Variants in NT5C2 observed in about 807,000 individuals in gnomAD.
NT5C2 encodes cytosolic purine 5'-nucleotidase.
In NT5C2, 58 loss-of-function variants were observed where a neutral mutation model predicts 76.1. The ratio of observed to expected loss-of-function variants is 0.76; its 90% CI spans 0.62 to 0.95. The LOEUF (loss-of-function observed/expected upper bound fraction) is 0.95. Among genes scored for constraint, NT5C2 ranks in the 40% least tolerant of loss-of-function variants. NT5C2 has a pLI of 0.00. For synonymous variants in NT5C2, 229 were observed against 237.4 expected, an observed-to-expected ratio of 0.96 and a Z score of 0.32; for missense variants, 478 against 690.3, an observed-to-expected ratio of 0.69 and a Z score of 3.45.
rs2066081392 is a variant in NT5C2 at position 103,089,143 on chromosome 10, ACT to A, written c.*527_*528del. ...ATAGAGAAGCAGCCTTGCCAGAGTC[ACT>A]GAGGATGAATTAAAGGCTTATAAAA... On this transcript the variant is annotated 3_prime_UTR_variant, in exon 19 of 19. Coordinates refer to ENST00000404739, the MANE Select transcript of NT5C2 (RefSeq NM_001351169.2). 2 of 227,160 alleles carry A rather than the reference ACT, an allele frequency of 8.8e-6. No individual in the cohort carries two copies. The highest frequency in any genetic ancestry group is 1.7e-5 in the Non-Finnish European group (2 of 114,372). The allele number at this position is 227,160 out of a possible 1,614,324, so 14.1% of individuals were successfully genotyped here.
At chr10:103,169,270 T>TAC (rs1035179726) in intron 3 of NT5C2, 3 of 152,170 alleles carry the variant, frequency 2.0e-5, no homozygotes, top group Non-Finnish European at 4.4e-5. Flanking sequence ...CATATACATA[T>TAC]ACACACACAC....
intron 9 of NT5C2, among the ~76,000 whole-genome samples, chr10:103,099,222 C>T (rs1014668487): frequency 6.6e-6 from 1 of 152,166 alleles, no homozygotes; most frequent in East Asian, 1.9e-4. Flanking sequence ...CACAGGTCCA[C>T]ACCAACATGC....
intron 3 of NT5C2, among the ~76,000 whole-genome samples, chr10:103,141,960 T>C (rs1282356887): frequency 1.3e-5 from 2 of 152,160 alleles, no homozygotes; most frequent in Admixed American, 1.3e-4. Context: ...GGAAGAAATG[T>C]TTGAACTGAA....
intron 3 of NT5C2, among the ~76,000 whole-genome samples, chr10:103,157,157 GA>G (rs1195617528): frequency 1.3e-5 from 2 of 150,408 alleles, no homozygotes; most frequent in Non-Finnish European, 3.0e-5. Context: ...GAATGAAAAA[GA>G]AAAAAACACT....
At chr10:103,146,413 C>T (rs2081486935) in intron 3 of NT5C2, 1 of 985,268 alleles carries the variant, frequency 1.0e-6, no homozygotes, top group South Asian at 4.7e-5. Context: ...ATAAAATCTT[C>T]TTGGGCATCT....
At chr10:103,122,849 C>A (rs1266965746) in intron 4 of NT5C2, among the ~76,000 whole-genome samples, 1 of 152,132 alleles carries the variant, frequency 6.6e-6, no homozygotes, top group Non-Finnish European at 1.5e-5. Context: ...TTAGATCATA[C>A]CCCCTTTTGT....
intron 3 of NT5C2, among the ~76,000 whole-genome samples, chr10:103,166,608 AAAACAAAC>A (rs138596638): frequency 8.5e-5 from 13 of 152,070 alleles, no homozygotes; most frequent in African/African-American, 1.2e-4. Flanking sequence ...AGAATGATAA[AAAACAAAC>A]AAACAAACAA....
At chr10:103,090,490 G>A in intron 18 of NT5C2, 121 bp downstream of exon 18, 1 of 823,454 alleles carries the variant, frequency 1.2e-6, no homozygotes, top group Non-Finnish European at 1.9e-6. Context: ...CATATAACCT[G>A]CCCCTGGGCT....
chr10:103,162,387 T>C (rs983560411), intron 3 of NT5C2, among the ~76,000 whole-genome samples: 3 of 152,060 alleles, frequency 2.0e-5, no homozygotes, highest in African/African-American at 7.2e-5. Flanking sequence ...GACAACACAA[T>C]TGGCAAACAA....
intron 3 of NT5C2, among the ~76,000 whole-genome samples, chr10:103,148,798 TG>T (rs1033910854): frequency 7.2e-5 from 11 of 152,252 alleles, no homozygotes; most frequent in African/African-American, 2.2e-4. Context: ...GAGACATACA[TG>T]GAACAAAATT....
chr10:103,174,486 G>A (rs1591766347), intron 3 of NT5C2, among the ~76,000 whole-genome samples: 1 of 152,164 alleles, frequency 6.6e-6, no homozygotes, highest in South Asian at 2.1e-4. Flanking sequence ...CAAGAGAATT[G>A]CTTGAGCCTG....
chr10:103,097,491 G>T, intron 10 of NT5C2, 117 bp from the exon 11 acceptor site: 1 of 779,110 alleles, frequency 1.3e-6, no homozygotes, highest in Non-Finnish European at 2.1e-6. Flanking sequence ...TTAAGGGTTA[G>T]CTGATTTCAG....
intron 4 of NT5C2, among the ~76,000 whole-genome samples, chr10:103,126,648 A>G (rs1414203637): frequency 6.6e-6 from 1 of 152,104 alleles, no homozygotes; most frequent in Non-Finnish European, 1.5e-5. Context: ...ACAAAAAAAC[A>G]TAGTCCACTC....
Position 103,105,801 on chromosome 10 carries a change from C to T in NT5C2, c.294G>A (p.Arg98=). 1 of 1,605,492 alleles carries T rather than the reference C, an allele frequency of 6.2e-7. No homozygotes were observed. The highest frequency in any genetic ancestry group is 8.5e-7 in the Non-Finnish European group (1 of 1,172,894). ...CATACAGTGTGTCAAAGACAAGTCC[C>T]CTATGTGAAAATGAAGACATTATTG... is the stretch of plus-strand genomic sequence containing the variant. ...SFAYDSTFPT[R]GLVFDTLYGN... is the part of the protein sequence containing the mutation. Residue 98 remains arginine, a splice_region_variant and synonymous_variant, in exon 6 of 19, where the codon AGG becomes AGA. Transcript: ENST00000404739.
chr10:103,168,104 TA>T (rs572645262), intron 3 of NT5C2, among the ~76,000 whole-genome samples: 102 of 140,796 alleles, frequency 7.2e-4, no homozygotes, highest in Admixed American at 9.2e-4. Flanking sequence ...AAACTGCAAC[TA>T]AAAAAAAAAA....
chr10:103,168,847 T>C (rs560154191), intron 3 of NT5C2, among the ~76,000 whole-genome samples: 46 of 152,328 alleles, frequency 3.0e-4, no homozygotes, highest in African/African-American at 1.1e-3. Flanking sequence ...TTGTAAAGCA[T>C]CACATACGAT....
chr10:103,129,868 C>T (rs1369122057), intron 4 of NT5C2, among the ~76,000 whole-genome samples: 3 of 67,884 alleles, frequency 4.4e-5, no homozygotes, highest in South Asian at 6.3e-4. Context: ...CCGCCCTGTC[C>T]GGGAGGGAGG....
intron 1 of NT5C2, among the ~76,000 whole-genome samples, chr10:103,191,391 AAAAAAAAGAG>A (rs2092627896): frequency 7.3e-6 from 1 of 137,722 alleles, no homozygotes; most frequent in African/African-American, 2.7e-5. Flanking sequence ...TCAAAAAAAA[AAAAAAAAGAG>A]AGAGAGAGGA....
intron 2 of NT5C2, among the ~76,000 whole-genome samples, chr10:103,178,423 T>C (rs572640856): frequency 1.3e-5 from 2 of 152,248 alleles, no homozygotes; most frequent in South Asian, 2.1e-4. Flanking sequence ...TCCGTATCTG[T>C]AGTCCCAGCT....
Sources: gnomAD v4.1 joint callset for allele counts (sites outside exome capture counted in the v4.1 genomes callset) on GRCh38, gnomAD v4.1.1 for gene constraint, MANE v1.5 for transcripts, NCBI Gene and HGNC (gene_info 2026-07-23, HGNC 2026-07-21) for gene names.